RSRC1: variants seen among roughly 807,000 people sequenced by gnomAD.
RSRC1 encodes arginine and serine rich coiled-coil 1.
In RSRC1, 39 loss-of-function variants were observed where a neutral mutation model predicts 49.1. The observed-to-expected ratio is 0.79, with a 90% confidence interval of 0.61 to 1.04. The LOEUF is 1.04. RSRC1 is among the 50% of genes least tolerant of loss of function. RSRC1 has a pLI of 0.00. For synonymous variants in RSRC1, 143 were observed against 130.8 expected (o/e 1.09, Z -0.63); for missense variants, 388 against 402.4 (o/e 0.96, Z 0.31).
At chr3:158,185,832 C>T (rs1409540581) in intron 3 of RSRC1, among the ~76,000 whole-genome samples, 1 of 152,012 alleles carries the variant, frequency 6.6e-6, no homozygotes, top group African/African-American at 2.4e-5. Flanking sequence ...AACATACAAT[C>T]CAGTGAGTTA....
intron 7 of RSRC1, among the ~76,000 whole-genome samples, chr3:158,506,551 C>T (rs1480899344): frequency 1.3e-5 from 2 of 151,812 alleles, no homozygotes; most frequent in African/African-American, 4.8e-5. Flanking sequence ...GACATATAAA[C>T]GGCCAACAGT....
At chr3:158,326,512 G>T (rs1729152513) in intron 5 of RSRC1, among the ~76,000 whole-genome samples, 1 of 152,084 alleles carries the variant, frequency 6.6e-6, no homozygotes, top group Admixed American at 6.5e-5. Context: ...CTTTGGTTCT[G>T]TGTATATGCT....
At chr3:158,330,436 C>T (rs947420340) in intron 5 of RSRC1, among the ~76,000 whole-genome samples, 1 of 152,124 alleles carries the variant, frequency 6.6e-6, no homozygotes, top group Admixed American at 6.5e-5. Flanking sequence ...AAATGAAAAT[C>T]CTATGTCAAA....
chr3:158,117,627 C>G (rs1387393029), intron 1 of RSRC1, among the ~76,000 whole-genome samples: 2 of 87,254 alleles, frequency 2.3e-5, no homozygotes, highest in Non-Finnish European at 2.3e-5. Flanking sequence ...TTTTTTGTCC[C>G]TTTTCTCCTG....
intron 7 of RSRC1, among the ~76,000 whole-genome samples, chr3:158,478,947 G>T (rs888759454): frequency 2.2e-5 from 1 of 44,782 alleles, no homozygotes; most frequent in Admixed American, 2.3e-4. Context: ...AGGAGAAAAA[G>T]CAAAAAAAAA....
intron 7 of RSRC1, among the ~76,000 whole-genome samples, chr3:158,525,349 G>A (rs925904821): frequency 6.6e-6 from 1 of 151,906 alleles, no homozygotes; most frequent in Admixed American, 6.6e-5. Context: ...TAAAACAGCA[G>A]TGAAATACAT....
chr3:158,513,598 C>T (rs1441130435), intron 7 of RSRC1, among the ~76,000 whole-genome samples: 3 of 151,992 alleles, frequency 2.0e-5, no homozygotes, highest in Admixed American at 2.0e-4. Context: ...GTGTCTCTGC[C>T]CAGCTTTGGT....
intron 7 of RSRC1, among the ~76,000 whole-genome samples, chr3:158,474,030 C>T (rs1237305276): frequency 2.0e-5 from 3 of 152,116 alleles, no homozygotes; most frequent in Admixed American, 6.6e-5. Flanking sequence ...TATTTCTTCA[C>T]AGCTTTGGTT....
At chr3:158,337,966 C>G (rs188641459) in intron 5 of RSRC1, among the ~76,000 whole-genome samples, 18 of 152,296 alleles carry the variant, frequency 1.2e-4, no homozygotes, top group Non-Finnish European at 2.4e-4. Flanking sequence ...ATTTTTAAGT[C>G]AGCTCTTAAT....
chr3:158,270,171 T>C (rs1041764023), intron 4 of RSRC1, among the ~76,000 whole-genome samples: 1 of 152,168 alleles, frequency 6.6e-6, no homozygotes, highest in Non-Finnish European at 1.5e-5. Flanking sequence ...TTCATTGCTG[T>C]TCCAATGGTT....
intron 6 of RSRC1, among the ~76,000 whole-genome samples, chr3:158,363,605 T>C (rs1474953878): frequency 6.6e-6 from 1 of 152,210 alleles, no homozygotes; most frequent in African/African-American, 2.4e-5. Context: ...ACCTGAGTTA[T>C]GTTAGGCAGA....
At chr3:158,173,541 A>G (rs534352352) in intron 3 of RSRC1, among the ~76,000 whole-genome samples, 11 of 152,136 alleles carry the variant, frequency 7.2e-5, no homozygotes, top group African/African-American at 2.2e-4. Flanking sequence ...CTAAATATAC[A>G]TTAAGAATTG....
At chr3:158,337,640 C>T (rs1048180963) in intron 5 of RSRC1, among the ~76,000 whole-genome samples, 2 of 152,134 alleles carry the variant, frequency 1.3e-5, no homozygotes, top group Non-Finnish European at 2.9e-5. Flanking sequence ...ATATTGTTAG[C>T]ACTGAATCTG....
At chr3:158,285,187 A>G (rs1276971352) in intron 4 of RSRC1, among the ~76,000 whole-genome samples, 3 of 152,286 alleles carry the variant, frequency 2.0e-5, no homozygotes, top group South Asian at 4.2e-4. Context: ...CAGGTTTGTC[A>G]AAGATCAGAT....
chr3:158,166,328 C>T (rs6764092), intron 3 of RSRC1, among the ~76,000 whole-genome samples: 6,635 of 152,070 alleles, frequency 0.044, 475 homozygotes, highest in African/African-American at 0.15. Context: ...AATGTGACAT[C>T]CCATTAGCTA....
In RSRC1 at chr3:158,287,342, G is replaced by C. The variant is rs113078447; in HGVS notation, c.495-10697G>C. On this transcript the variant is annotated intron_variant, in intron 4 of 9. Transcript: ENST00000611884. ...GAATTTAATTGACATTTAAATATTT[G>C]TATTTATATAGAAGTAATAGAATGC... 1.8e-3 allele frequency among the ~76,000 whole-genome samples: 279 copies of C among 152,110 alleles called. 1 individual carries two copies. Among genetic ancestry groups the C allele is most frequent in the African/African-American group, 6.4e-3 (267 of 41,502 alleles).
At position 158,460,854 on chromosome 3, in the gene RSRC1, A is replaced by G. The variant is rs534703868; in HGVS notation, c.584-81A>G. On this transcript the variant is annotated intron_variant, in intron 6 of 9. Transcript: ENST00000611884. ...TTACTTCGTGGAAAATAAGTAATGA[A>G]TTTCTAGTCCCTTTAACCAATATTT... 806 of 797,418 alleles carry G rather than the reference A, an allele frequency of 1.0e-3. 25 individuals carry two copies. In the South Asian group the frequency reaches 0.022, roughly 21 times the overall value. 49.4% of individuals were successfully genotyped at this position (797,418 alleles called of 1,614,324 possible). A position where few individuals can be genotyped will look rare whatever the true frequency, so the allele number is the denominator to read the frequency against.
At chr3:158,116,081 C>A (rs571377322) in intron 1 of RSRC1, among the ~76,000 whole-genome samples, 2 of 152,098 alleles carry the variant, frequency 1.3e-5, no homozygotes, top group Non-Finnish European at 2.9e-5. Context: ...CATTATATAT[C>A]AAAAATTCAT....
chr3:158,393,398 T>A (rs370158534), intron 6 of RSRC1, among the ~76,000 whole-genome samples: 12 of 151,540 alleles, frequency 7.9e-5, no homozygotes, highest in Admixed American at 7.9e-4. Flanking sequence ...ACTTGTTTCT[T>A]TGAAAGAATA....
Sources: gnomAD v4.1 joint callset for allele counts (sites outside exome capture counted in the v4.1 genomes callset) on GRCh38, gnomAD v4.1.1 for gene constraint, MANE v1.5 for transcripts, NCBI Gene and HGNC (gene_info 2026-07-23, HGNC 2026-07-21) for gene names.